The following ITGA8 variants were observed in gnomAD, a reference collection of about 807,000 sequenced individuals.
ITGA8 encodes the protein integrin alpha-8.
In ITGA8, 91 loss-of-function variants were observed where a neutral mutation model predicts 142.3. That is an observed-to-expected ratio of 0.64 (90% confidence interval 0.54 to 0.76). The LOEUF (loss-of-function observed/expected upper bound fraction) is 0.76. Among genes scored for constraint, ITGA8 ranks in the 30% least tolerant of loss-of-function variants. The pLI is 0.00. For missense variants in ITGA8, 1,406 were observed against 1,327.7 expected, an observed-to-expected ratio of 1.06 and a Z score of -0.92; for synonymous variants, 505 against 485.2, an observed-to-expected ratio of 1.04 and a Z score of -0.54.
intron 27 of ITGA8, among the ~76,000 whole-genome samples, chr10:15,548,061 T>TAA (rs200516856): frequency 1.3e-5 from 2 of 151,698 alleles, no homozygotes; most frequent in Non-Finnish European, 2.9e-5. Context: ...TTGAAAAATG[T>TAA]AAAAAAAATT....
chr10:15,649,000 C>G (rs1834037387), intron 11 of ITGA8, among the ~76,000 whole-genome samples: 1 of 152,050 alleles, frequency 6.6e-6, no homozygotes, highest in Non-Finnish European at 1.5e-5. Flanking sequence ...CAGGGAGAGG[C>G]TGGGTGCTTG....
At chr10:15,618,497 G>A (rs1043090340) in intron 13 of ITGA8, among the ~76,000 whole-genome samples, 1 of 152,184 alleles carries the variant, frequency 6.6e-6, no homozygotes, top group Admixed American at 6.5e-5. Context: ...GATGTTGAGT[G>A]TCAACTTGAT....
intron 25 of ITGA8, among the ~76,000 whole-genome samples, chr10:15,560,602 T>C (rs759612787): frequency 5.3e-5 from 8 of 152,216 alleles, no homozygotes; most frequent in Non-Finnish European, 1.0e-4. Flanking sequence ...AAATAAGTTA[T>C]GATCTATTTA....
At chr10:15,634,161 C>T (rs1833731603) in intron 13 of ITGA8, among the ~76,000 whole-genome samples, 1 of 152,168 alleles carries the variant, frequency 6.6e-6, no homozygotes. Flanking sequence ...AACACTCTCT[C>T]TTTTTAACTG....
Position 15,565,930 on chromosome 10 carries a change from G to A in ITGA8, c.2637+6281C>T, listed in dbSNP as rs374072466. On this transcript the variant is annotated intron_variant, in intron 25 of 29. Coordinates refer to ENST00000378076, the MANE Select transcript of ITGA8 (RefSeq NM_003638.3). ...TAAGGGTATGTGTGTGTGTGCGCACGCGTGAGTGAGAGACAGAGGGAAAGA... is the reference window on the plus strand; with the variant it reads ...TAAGGGTATGTGTGTGTGTGCGCACACGTGAGTGAGAGACAGAGGGAAAGA... 3.9e-5 allele frequency among the ~76,000 whole-genome samples: 6 copies of A among 152,056 alleles called. 1 individual carries two copies. In the South Asian group the frequency reaches 1.2e-3, roughly 32 times the overall value.
intron 2 of ITGA8, among the ~76,000 whole-genome samples, chr10:15,702,939 C>G (rs1162405697): frequency 6.6e-6 from 1 of 152,196 alleles, no homozygotes; most frequent in African/African-American, 2.4e-5. Flanking sequence ...AGTCACTGTT[C>G]AGTTTGGTAA....
At chr10:15,718,676 A>G (rs776008687) in intron 2 of ITGA8, 90 bp downstream of exon 2, 203 of 1,507,646 alleles carry the variant, frequency 1.3e-4, no homozygotes, top group Non-Finnish European at 1.7e-4. Context: ...CTAAACGAGC[A>G]GCACACCAAG....
At chr10:15,719,021 T>C (rs918160994) in intron 1 of ITGA8, 122 bp from the exon 2 acceptor site, 3 of 1,412,428 alleles carry the variant, frequency 2.1e-6, no homozygotes, top group African/African-American at 1.4e-5. Context: ...AACGTATTTA[T>C]GATGAGGACC....
At chr10:15,520,715 A>G (rs1031478395) in intron 28 of ITGA8, among the ~76,000 whole-genome samples, 1 of 152,240 alleles carries the variant, frequency 6.6e-6, no homozygotes, top group East Asian at 1.9e-4. Flanking sequence ...TTGGATGCAG[A>G]CATTATTCAC....
intron 26 of ITGA8, among the ~76,000 whole-genome samples, chr10:15,557,724 A>G (rs978933112): frequency 6.6e-6 from 1 of 152,188 alleles, no homozygotes; most frequent in East Asian, 1.9e-4. Context: ...CAGAACTCCA[A>G]GGGTCCATGC....
At chr10:15,615,887 C>T (rs149803743) in intron 14 of ITGA8, among the ~76,000 whole-genome samples, 1 of 152,306 alleles carries the variant, frequency 6.6e-6, no homozygotes, top group East Asian at 1.9e-4. Context: ...GTGTACACCA[C>T]ACGCATATTC....
intron 2 of ITGA8, among the ~76,000 whole-genome samples, chr10:15,715,254 A>G (rs191658355): frequency 5.3e-5 from 8 of 152,028 alleles, no homozygotes; most frequent in East Asian, 1.9e-4. Context: ...TGCTTCTACA[A>G]TGCTTCCACC....
chr10:15,595,921 A>G (rs1032777632), intron 21 of ITGA8, among the ~76,000 whole-genome samples: 5 of 152,118 alleles, frequency 3.3e-5, no homozygotes, highest in Non-Finnish European at 5.9e-5. Context: ...GCATGTTGGC[A>G]TGCACCTGTA....
intron 2 of ITGA8, among the ~76,000 whole-genome samples, chr10:15,690,588 C>T (rs1478321655): frequency 6.6e-6 from 1 of 152,186 alleles, no homozygotes; most frequent in African/African-American, 2.4e-5. Context: ...AGCACCTGTG[C>T]CTGAAACATA....
chr10:15,648,193 A>G, intron 11 of ITGA8, among the ~76,000 whole-genome samples: 1 of 152,162 alleles, frequency 6.6e-6, no homozygotes, highest in East Asian at 1.9e-4. Flanking sequence ...ACCAACCAAA[A>G]ATATATAATT....
intron 2 of ITGA8, among the ~76,000 whole-genome samples, chr10:15,710,893 T>A (rs138442836): frequency 2.0e-5 from 3 of 152,310 alleles, no homozygotes; most frequent in African/African-American, 7.2e-5. Context: ...TTCTCTCTCG[T>A]GTCAGTATGT....
intron 4 of ITGA8, among the ~76,000 whole-genome samples, chr10:15,681,056 T>G (rs897592031): frequency 1.3e-5 from 2 of 152,180 alleles, no homozygotes; most frequent in Admixed American, 6.5e-5. Context: ...GAAGGGTGTG[T>G]GTATGAACCA....
intron 16 of ITGA8, 149 bp downstream of exon 16, chr10:15,608,086 G>A (rs1484808673): frequency 1.5e-6 from 1 of 666,762 alleles, no homozygotes; most frequent in Non-Finnish European, 2.6e-6. Context: ...AAGTATTGAA[G>A]TAATATTTAT....
At chr10:15,652,412 A>G (rs1308516821) in intron 11 of ITGA8, among the ~76,000 whole-genome samples, 1 of 151,252 alleles carries the variant, frequency 6.6e-6, no homozygotes, top group Non-Finnish European at 1.5e-5. Flanking sequence ...AGTGGGAAGA[A>G]ATGTGTCTGT....
Sources: gnomAD v4.1 joint callset for allele counts (sites outside exome capture counted in the v4.1 genomes callset) on GRCh38, gnomAD v4.1.1 for gene constraint, MANE v1.5 for transcripts, NCBI Gene and HGNC (gene_info 2026-07-23, HGNC 2026-07-21) for gene names.